RASGRF2: variants seen among roughly 807,000 people sequenced by gnomAD.
RASGRF2 encodes the protein ras-specific guanine nucleotide-releasing factor 2.
RASGRF2 carries 76 observed loss-of-function variants against 151.0 expected under a neutral mutation model. The observed-to-expected ratio is 0.50, with a 90% CI of 0.42 to 0.61. RASGRF2 has a LOEUF of 0.61. Among genes scored for constraint, RASGRF2 ranks in the 20% least tolerant of loss-of-function variants. The pLI, the probability that RASGRF2 is intolerant of heterozygous loss-of-function variation, is 0.00. For missense variants in RASGRF2, 1,148 were observed against 1,564.6 expected, an observed-to-expected ratio of 0.73 and a Z score of 4.49; for synonymous variants, 504 against 566.5, an observed-to-expected ratio of 0.89 and a Z score of 1.57.
chr5:81,037,046 G>A (rs1353232332), intron 1 of RASGRF2, among the ~76,000 whole-genome samples: 7 of 152,254 alleles, frequency 4.6e-5, no homozygotes, highest in Non-Finnish European at 8.8e-5. Flanking sequence ...GTCTTACATA[G>A]CAGTCACAGA....
chr5:81,098,129 T>C (rs992065615), intron 12 of RASGRF2, among the ~76,000 whole-genome samples: 11 of 152,102 alleles, frequency 7.2e-5, no homozygotes, highest in Non-Finnish European at 1.6e-4. Context: ...CAGCAGAGTT[T>C]GATTGTGGAT....
At chr5:81,144,414 G>T (rs986103464) in intron 17 of RASGRF2, among the ~76,000 whole-genome samples, 28 of 152,210 alleles carry the variant, frequency 1.8e-4, no homozygotes, top group African/African-American at 6.8e-4. Flanking sequence ...ATTAGTACAG[G>T]TTGTGCCCTT....
chr5:81,064,799 T>C (rs1751547130), intron 2 of RASGRF2, among the ~76,000 whole-genome samples: 1 of 152,242 alleles, frequency 6.6e-6, no homozygotes, highest in Non-Finnish European at 1.5e-5. Flanking sequence ...TACTGGCTAC[T>C]ACCCACTAAA....
intron 19 of RASGRF2, among the ~76,000 whole-genome samples, chr5:81,204,827 G>A (rs1400274783): frequency 1.3e-5 from 2 of 151,334 alleles, no homozygotes; most frequent in Non-Finnish European, 2.9e-5. Context: ...TGGCACCAGA[G>A]TGCCTCTTGG....
chr5:81,149,755 G>A (rs1343263142), intron 17 of RASGRF2, among the ~76,000 whole-genome samples: 2 of 152,068 alleles, frequency 1.3e-5, no homozygotes, highest in Non-Finnish European at 2.9e-5. Flanking sequence ...ACAGCTTTAT[G>A]CATATATATT....
chr5:81,059,441 G>A (rs966087696), intron 2 of RASGRF2, among the ~76,000 whole-genome samples: 3 of 149,994 alleles, frequency 2.0e-5, no homozygotes, highest in Non-Finnish European at 4.4e-5. Flanking sequence ...CTTACACCTC[G>A]CTGGACTGGG....
At chr5:81,036,106 AT>A (rs1750483279) in intron 1 of RASGRF2, among the ~76,000 whole-genome samples, 1 of 152,194 alleles carries the variant, frequency 6.6e-6, no homozygotes, top group Non-Finnish European at 1.5e-5. Context: ...AAAGAAAATA[AT>A]TTGAAAACTT....
At chr5:81,025,277 G>A (rs1464013904) in intron 1 of RASGRF2, among the ~76,000 whole-genome samples, 2 of 152,190 alleles carry the variant, frequency 1.3e-5, no homozygotes, top group African/African-American at 4.8e-5. Flanking sequence ...TCTACTTGCC[G>A]TTGGTGGGTG....
chr5:81,092,777 A>G, intron 9 of RASGRF2, 24 bp from the exon 10 acceptor site: 1 of 1,600,220 alleles, frequency 6.2e-7, no homozygotes, highest in Middle Eastern at 1.7e-4. Context: ...ATTGCTGTGT[A>G]TTCTTCATTT....
In RASGRF2 at chr5:81,201,367, TA is replaced by T; in HGVS notation, c.2834del (p.Asn945IlefsTer3). The T allele has an allele frequency of 6.2e-7, 1 of 1,613,584 alleles. No homozygotes were observed. Among genetic ancestry groups the T allele is most frequent in the Non-Finnish European group, 8.5e-7 (1 of 1,179,848 alleles). On this transcript the variant is annotated frameshift_variant, in exon 19 of 27. Transcript: ENST00000265080. LOFTEE classifies it high-confidence loss of function. ...AACAATGAACTAAAGATGAATGTCCTAAATTTGCTAGAAGAAGTTTTGCGAG... is the reference window on the plus strand; with the variant it reads ...AACAATGAACTAAAGATGAATGTCCTAATTTGCTAGAAGAAGTTTTGCGAG... The part of the protein sequence containing the change: ...ELNNELKMNV[L>X]NLLEEVLRDP...
intron 2 of RASGRF2, among the ~76,000 whole-genome samples, chr5:81,056,977 C>T (rs976871861): frequency 6.6e-6 from 1 of 152,008 alleles, no homozygotes; most frequent in Non-Finnish European, 1.5e-5. Flanking sequence ...TTTCCATTTT[C>T]TTGGTAGATC....
chr5:81,008,268 A>C (rs1749342366), intron 1 of RASGRF2, among the ~76,000 whole-genome samples: 1 of 147,528 alleles, frequency 6.8e-6, no homozygotes. Context: ...CTCCTGCCTC[A>C]GCCTCCCCAG....
intron 12 of RASGRF2, among the ~76,000 whole-genome samples, chr5:81,102,694 C>CA (rs1752729701): frequency 6.8e-6 from 1 of 146,380 alleles, no homozygotes; most frequent in African/African-American, 2.6e-5. Flanking sequence ...GACTCTGTCT[C>CA]CCAAAAAAAA....
At chr5:80,992,750 G>T (rs1748695344) in intron 1 of RASGRF2, among the ~76,000 whole-genome samples, 1 of 152,054 alleles carries the variant, frequency 6.6e-6, no homozygotes, top group African/African-American at 2.4e-5. Context: ...ATTTGATACA[G>T]CCCACAAAGA....
At chr5:81,123,543 C>A (rs1260332196) in intron 15 of RASGRF2, 99 bp from the exon 16 acceptor site, 1 of 1,375,542 alleles carries the variant, frequency 7.3e-7, no homozygotes, top group Non-Finnish European at 9.9e-7. Flanking sequence ...TAATGAAATG[C>A]TTATTATCTG....
chr5:80,987,906 G>A (rs981595721), intron 1 of RASGRF2, among the ~76,000 whole-genome samples: 1 of 151,878 alleles, frequency 6.6e-6, no homozygotes, highest in Admixed American at 6.6e-5. Flanking sequence ...GCTACTTAGA[G>A]ATCACCTCCA....
At chr5:81,061,511 C>CTTT (rs201278544) in intron 2 of RASGRF2, among the ~76,000 whole-genome samples, 99 of 142,678 alleles carry the variant, frequency 6.9e-4, no homozygotes, top group South Asian at 1.6e-3. Context: ...TTAAGAAGGA[C>CTTT]TTTTTTTTTT....
intron 1 of RASGRF2, among the ~76,000 whole-genome samples, chr5:80,961,852 C>G (rs1291048216): frequency 1.3e-5 from 2 of 152,202 alleles, no homozygotes; most frequent in African/African-American, 4.8e-5. Context: ...CCTGCAAACA[C>G]AAAGTTTGTA....
At chr5:81,062,103 A>G (rs10043341) in intron 2 of RASGRF2, among the ~76,000 whole-genome samples, 32,236 of 151,768 alleles carry the variant, frequency 0.21, 3,650 homozygotes, top group Middle Eastern at 0.39. Flanking sequence ...CAGCTTCCCA[A>G]AGTGTTGGGA....
Sources: gnomAD v4.1 joint callset for allele counts (sites outside exome capture counted in the v4.1 genomes callset) on GRCh38, gnomAD v4.1.1 for gene constraint, MANE v1.5 for transcripts, NCBI Gene and HGNC (gene_info 2026-07-23, HGNC 2026-07-21) for gene names.